The following ADGRB3 variants were observed in gnomAD, a reference collection of about 807,000 sequenced individuals.
ADGRB3 encodes adhesion G protein-coupled receptor B3.
A neutral mutation model predicts 193.4 loss-of-function variants in ADGRB3; 37 were observed. That is an observed-to-expected ratio of 0.19 (90% CI 0.15 to 0.25). The LOEUF (loss-of-function observed/expected upper bound fraction) is 0.25, where lower values mean the gene tolerates loss of function less well. Among genes scored for constraint, ADGRB3 ranks in the 10% least tolerant of loss-of-function variants. The pLI is 1.00. For synonymous variants in ADGRB3, 690 were observed against 644.2 expected (o/e 1.07, Z -1.08); for missense variants, 1,637 against 1,852.9 (o/e 0.88, Z 2.14).
At chr6:69,193,449 A>G (rs117469934) in intron 17 of ADGRB3, among the ~76,000 whole-genome samples, 3,755 of 152,250 alleles carry the variant, frequency 0.025, 56 homozygotes, top group Non-Finnish European at 0.035. Context: ...GTGCTTCGGC[A>G]TCTATACTTT....
chr6:68,793,428 T>A (rs1407852628), intron 3 of ADGRB3, among the ~76,000 whole-genome samples: 1 of 151,304 alleles, frequency 6.6e-6, no homozygotes, highest in Non-Finnish European at 1.5e-5. Context: ...ACAGATCATA[T>A]CTTTATATCC....
intron 3 of ADGRB3, among the ~76,000 whole-genome samples, chr6:68,710,599 T>A (rs1043378338): frequency 6.6e-6 from 1 of 152,146 alleles, no homozygotes; most frequent in Non-Finnish European, 1.5e-5. Flanking sequence ...CCTGACACAA[T>A]GACCTTGAGG....
At chr6:69,170,817 A>G (rs1305924566) in intron 17 of ADGRB3, among the ~76,000 whole-genome samples, 1 of 152,118 alleles carries the variant, frequency 6.6e-6, no homozygotes. Context: ...CAGATATGGA[A>G]TTAGAGCTTA....
At chr6:69,294,108 A>T (rs1217098696) in intron 20 of ADGRB3, among the ~76,000 whole-genome samples, 1 of 151,902 alleles carries the variant, frequency 6.6e-6, no homozygotes, top group African/African-American at 2.4e-5. Context: ...TTATAATAAA[A>T]TTCCATGCCT....
rs191828137 is a variant in ADGRB3 at position 69,109,282 on chromosome 6, G to A, written c.2480+33244G>A. Among the ~76,000 whole-genome samples the A allele has an allele frequency of 1.8e-3, 267 of 152,276 alleles. 2 individuals carry two copies. The highest frequency in any genetic ancestry group is 2.2e-3 in the Non-Finnish European group (152 of 68,016). ...TGTCTTTAGTAGTTTAAAGAGGGAT[G>A]TAGAAGTTCCTTCACTGTTGTCTAC... On this transcript the variant is annotated intron_variant, in intron 17 of 31. Transcript: ENST00000370598.
intron 20 of ADGRB3, among the ~76,000 whole-genome samples, chr6:69,247,955 T>A (rs1175329224): frequency 6.6e-6 from 1 of 152,184 alleles, no homozygotes; most frequent in East Asian, 1.9e-4. Flanking sequence ...AAGAAAATAC[T>A]GAAGACTTAC....
chr6:69,193,114 A>T (rs1765228278), intron 17 of ADGRB3, among the ~76,000 whole-genome samples: 1 of 151,992 alleles, frequency 6.6e-6, no homozygotes, highest in Admixed American at 6.6e-5. Flanking sequence ...TGTATAGAGG[A>T]TCATCTGCCA....
intron 3 of ADGRB3, among the ~76,000 whole-genome samples, chr6:68,664,296 A>C (rs1768744292): frequency 6.6e-6 from 1 of 151,714 alleles, no homozygotes; most frequent in African/African-American, 2.4e-5. Context: ...AAATATTGTT[A>C]GAGATTGAAT....
At chr6:69,066,332 G>A (rs1771908346) in intron 16 of ADGRB3, among the ~76,000 whole-genome samples, 1 of 149,612 alleles carries the variant, frequency 6.7e-6, no homozygotes, top group African/African-American at 2.5e-5. Context: ...ATACTTTCAG[G>A]AAAGAATAAC....
chr6:68,842,787 A>G (rs191964412), intron 3 of ADGRB3, among the ~76,000 whole-genome samples: 22 of 152,118 alleles, frequency 1.4e-4, no homozygotes, highest in Admixed American at 5.9e-4. Context: ...ACTCGCAAAC[A>G]ATACACTCAA....
chr6:69,040,350 T>TTTCC (rs1771003372), intron 13 of ADGRB3, among the ~76,000 whole-genome samples: 2 of 54,762 alleles, frequency 3.7e-5, no homozygotes, highest in East Asian at 2.7e-3. Context: ...TCTTTCTTTC[T>TTTCC]TTCTTTCTTT....
chr6:69,030,659 C>G (rs1053693928), intron 13 of ADGRB3, among the ~76,000 whole-genome samples: 1 of 152,212 alleles, frequency 6.6e-6, no homozygotes, highest in Non-Finnish European at 1.5e-5. Context: ...GGAGAAATAC[C>G]TAATGTAGAT....
chr6:69,009,163 GA>G (rs1769859344), intron 11 of ADGRB3, among the ~76,000 whole-genome samples: 1 of 152,000 alleles, frequency 6.6e-6, no homozygotes, highest in Non-Finnish European at 1.5e-5. Context: ...GAACAAAATA[GA>G]AATAACTTGA....
chr6:68,702,261 A>G (rs2127309540), intron 3 of ADGRB3, among the ~76,000 whole-genome samples: 1 of 152,044 alleles, frequency 6.6e-6, no homozygotes, highest in Middle Eastern at 3.4e-3. Flanking sequence ...ACTTTTTTAA[A>G]TGACTAGATC....
intron 17 of ADGRB3, among the ~76,000 whole-genome samples, chr6:69,106,671 G>A (rs1377109813): frequency 2.6e-5 from 4 of 152,200 alleles, no homozygotes; most frequent in Admixed American, 6.5e-5. Flanking sequence ...AGCCTGAAAA[G>A]GCACTTTCCC....
chr6:69,088,475 C>T (rs1009142565), intron 17 of ADGRB3, among the ~76,000 whole-genome samples: 6 of 152,090 alleles, frequency 3.9e-5, no homozygotes, highest in Non-Finnish European at 8.8e-5. Context: ...CGGGTTCAAG[C>T]GATTCTCCTG....
chr6:68,705,849 G>A (rs1357800766), intron 3 of ADGRB3, among the ~76,000 whole-genome samples: 1 of 152,130 alleles, frequency 6.6e-6, no homozygotes, highest in Admixed American at 6.5e-5. Flanking sequence ...CAGACAGAAG[G>A]GTGGGAGTCA....
chr6:69,151,433 T>G (rs1476178857), intron 17 of ADGRB3, among the ~76,000 whole-genome samples: 1 of 152,158 alleles, frequency 6.6e-6, no homozygotes, highest in Non-Finnish European at 1.5e-5. Context: ...TCCCCAAGCA[T>G]ACAGATTCTC....
At chr6:68,897,801 CAGAA>C (rs781510548) in intron 3 of ADGRB3, among the ~76,000 whole-genome samples, 21 of 111,812 alleles carry the variant, frequency 1.9e-4, no homozygotes, top group Admixed American at 5.6e-4. Flanking sequence ...GAAAGAGAAA[CAGAA>C]AGAAAGAAGA....
Sources: allele counts gnomAD v4.1 joint callset (sites outside exome capture counted in the v4.1 genomes callset), GRCh38; gene constraint gnomAD v4.1.1; transcripts MANE v1.5; gene names NCBI Gene and HGNC (gene_info 2026-07-23, HGNC 2026-07-21).